AGXT2: variants seen among roughly 807,000 people sequenced by gnomAD.
AGXT2 encodes alanine--glyoxylate aminotransferase 2, mitochondrial.
AGXT2 carries 61 observed loss-of-function variants against 62.5 expected under a neutral mutation model. That is an observed-to-expected ratio of 0.98 (90% CI 0.79 to 1.21). The LOEUF (loss-of-function observed/expected upper bound fraction) is 1.21. AGXT2 is among the 50% of genes most tolerant of loss of function. The probability of loss-of-function intolerance (pLI) is 0.00; values close to 1 mark genes in which losing one functional copy is unlikely to be tolerated. For missense variants in AGXT2, 666 were observed against 641.5 expected (o/e 1.04, Z -0.41); for synonymous variants, 243 against 218.7 (o/e 1.11, Z -0.98).
rs1767379767 is a variant in AGXT2, at chr5:35,026,988, C to A, written c.770-478G>T. On this transcript the variant is annotated intron_variant, in intron 7 of 13. Coordinates refer to ENST00000231420, the MANE Select transcript of AGXT2 (RefSeq NM_031900.4). ...TTTGTCTTTAGAGTTAGTAAATATG[C>A]TTGTAGAACAATTAGAATTCAGTCT... 3.0e-6 allele frequency: 3 copies of A among 985,410 alleles called. No individual in the cohort carries two copies. The South Asian group carries it at 1.4e-4, about 46-fold the overall frequency. The allele number at this position is 985,410 out of a possible 1,614,324, so 61.0% of individuals were successfully genotyped here.
intron 7 of AGXT2, 42 bp from the exon 8 acceptor site, chr5:35,026,552 T>C (rs1378578909): frequency 2.0e-6 from 3 of 1,533,616 alleles, no homozygotes; most frequent in Non-Finnish European, 2.7e-6. Context: ...CCACAGCATT[T>C]GAAAATGTGA....
At chr5:35,017,582 T>C (rs1766892589) in intron 9 of AGXT2, among the ~76,000 whole-genome samples, 1 of 152,242 alleles carries the variant, frequency 6.6e-6, no homozygotes, top group African/African-American at 2.4e-5. Context: ...CATTCCGCCA[T>C]GATTGTTAGG....
chr5:35,038,379 T>C (rs1401875720), intron 3 of AGXT2, among the ~76,000 whole-genome samples: 1 of 152,256 alleles, frequency 6.6e-6, no homozygotes, highest in African/African-American at 2.4e-5. Context: ...ATGTTTGAAC[T>C]CATTTTCTAT....
chr5:35,005,324 G>T (rs968559440), intron 12 of AGXT2, among the ~76,000 whole-genome samples: 4 of 152,164 alleles, frequency 2.6e-5, no homozygotes, highest in Non-Finnish European at 5.9e-5. Context: ...TGCCTCCTGG[G>T]CTCAAGTGAT....
At chr5:35,019,642 C>A (rs1418190580) in intron 9 of AGXT2, among the ~76,000 whole-genome samples, 2 of 152,176 alleles carry the variant, frequency 1.3e-5, no homozygotes, top group Admixed American at 6.5e-5. Context: ...AAAATTGACA[C>A]CCTAACATCA....
At chr5:35,020,879 A>G (rs1220631194) in intron 9 of AGXT2, among the ~76,000 whole-genome samples, 1 of 152,132 alleles carries the variant, frequency 6.6e-6, no homozygotes, top group Admixed American at 6.5e-5. Flanking sequence ...GCAAAGTCTC[A>G]GGATACAAAA....
rs771306167 is a variant in AGXT2, at chr5:35,014,132, G to T, written c.964-13C>A. 3 of 1,613,958 alleles carry T rather than the reference G, an allele frequency of 1.9e-6. No homozygotes were observed. Among genetic ancestry groups the T allele is most frequent in the Middle Eastern group, 3.3e-4 (2 of 6,062 alleles). ...ATCCTGTCTGCACCTGGGAAAACAA[G>T]TTCAAAACCATTGGAAACCCTTCAA... is the stretch of plus-strand genomic sequence containing the variant. On this transcript the variant is annotated splice_polypyrimidine_tract_variant and intron_variant, in intron 9 of 13. Coordinates refer to ENST00000231420, the MANE Select transcript of AGXT2 (RefSeq NM_031900.4).
At position 35,032,758 on chromosome 5, in the gene AGXT2, G is replaced by T. The variant is rs757307899; in HGVS notation, c.743C>A (p.Thr248Lys). The change falls in exon 7 of 14, where the codon ACA (threonine) becomes AAA (lysine). Residue 248 changes from threonine (T) to lysine (K), a missense_variant. Thr to Lys is a moderately conservative substitution (Grantham distance 78). Transcript: ENST00000231420. ...TGGTGCACAGCTGCACTTCCTGATT[G>T]TTTGCACTGGAGAATCTCGACAGTG... is the stretch of plus-strand genomic sequence containing the variant. The part of the protein sequence containing the change: ...GSHCRDSPVQ[T>K]IRKCSCAPDC... The T allele has an allele frequency of 3.7e-6, 6 of 1,609,340 alleles. No homozygotes were observed. Among genetic ancestry groups the T allele is most frequent in the Non-Finnish European group, 2.5e-6 (3 of 1,177,864 alleles).
At chr5:35,037,892 C>A (rs998648362) in intron 3 of AGXT2, among the ~76,000 whole-genome samples, 8 of 152,172 alleles carry the variant, frequency 5.3e-5, no homozygotes, top group African/African-American at 1.7e-4. Flanking sequence ...ATTTGTGGAA[C>A]CTGACTTGGC....
intron 9 of AGXT2, among the ~76,000 whole-genome samples, chr5:35,021,962 C>A (rs1767113647): frequency 6.6e-6 from 1 of 152,098 alleles, no homozygotes. Flanking sequence ...AGCCAACAAA[C>A]ACATGAAAAA....
chr5:35,033,661 A>G, intron 5 of AGXT2, 108 bp from the exon 6 acceptor site: 2 of 814,098 alleles, frequency 2.5e-6, no homozygotes, highest in Non-Finnish European at 4.2e-6. Context: ...CATCATTCGC[A>G]TTCACCTCTG....
chr5:35,044,941 A>G (rs923399768), intron 1 of AGXT2, among the ~76,000 whole-genome samples: 2 of 152,146 alleles, frequency 1.3e-5, no homozygotes, highest in Non-Finnish European at 2.9e-5. Context: ...GCAGGAATGG[A>G]GAAACATCTC....
At position 35,019,680 on chromosome 5, in the gene AGXT2, A is replaced by C. The variant is rs538914253; in HGVS notation, c.964-5561T>G. ...ATTAAAAGAACTAGAAAAGCAAGAG[A>C]AAACACATTCAAAAGCTAGAAGAAG... On this transcript the variant is annotated intron_variant, in intron 9 of 13. Coordinates refer to ENST00000231420, the MANE Select transcript of AGXT2 (RefSeq NM_031900.4). Among the ~76,000 whole-genome samples, 34 of 152,278 alleles carry C rather than the reference A, an allele frequency of 2.2e-4. No individual in the cohort carries two copies. The East Asian group carries it at 5.0e-3, about 22-fold the overall frequency.
chr5:35,006,010 C>G (rs1339085566), intron 12 of AGXT2, among the ~76,000 whole-genome samples: 1 of 152,126 alleles, frequency 6.6e-6, no homozygotes, highest in Non-Finnish European at 1.5e-5. Flanking sequence ...GCAAATACAT[C>G]TATATGCATG....
intron 9 of AGXT2, among the ~76,000 whole-genome samples, chr5:35,025,186 G>T (rs1476231135): frequency 6.6e-6 from 1 of 152,110 alleles, no homozygotes; most frequent in African/African-American, 2.4e-5. Context: ...GATCAGCCTG[G>T]CCAACATGGT....
chr5:35,018,943 G>A (rs1488164489), intron 9 of AGXT2, among the ~76,000 whole-genome samples: 23 of 138,816 alleles, frequency 1.7e-4, no homozygotes, highest in African/African-American at 6.5e-4. Context: ...GATAAAACAG[G>A]CTTTAAACCA....
chr5:35,017,401 G>A (rs540465811), intron 9 of AGXT2, among the ~76,000 whole-genome samples: 154 of 152,278 alleles, frequency 1.0e-3, no homozygotes, highest in African/African-American at 3.4e-3. Context: ...TAATTCCCAC[G>A]TGTTGTGGGA....
chr5:35,044,074 TACTTGGG>T (rs1348259736), intron 1 of AGXT2, among the ~76,000 whole-genome samples: 1 of 152,238 alleles, frequency 6.6e-6, no homozygotes, highest in Non-Finnish European at 1.5e-5. Context: ...TCTCATTTGA[TACTTGGG>T]ATTGCCAACG....
chr5:35,026,439 T>A lies in AGXT2; in HGVS notation c.841A>T (p.Ile281Phe), dbSNP rs760225755. ...ATAGGTTCTGCGAAAAATCCAGCAA[T>A]TGACTTGGCCACAGATGTGCTCAGC... ...DTLSTSVAKS[I>F]AGFFAEPIQG... Residue 281 changes from isoleucine to phenylalanine, a missense_variant, in exon 8 of 14, where the codon ATT becomes TTT. Physicochemically the swap from Ile to Phe is conservative, Grantham distance 21. Coordinates refer to ENST00000231420, the MANE Select transcript of AGXT2 (RefSeq NM_031900.4). The A allele has an allele frequency of 6.2e-7, 1 of 1,614,150 alleles. No individual in the cohort carries two copies. The highest frequency in any genetic ancestry group is 2.2e-5 in the East Asian group (1 of 44,870).
Sources: allele counts gnomAD v4.1 joint callset (sites outside exome capture counted in the v4.1 genomes callset), GRCh38; gene constraint gnomAD v4.1.1; transcripts MANE v1.5; gene names NCBI Gene and HGNC (gene_info 2026-07-23, HGNC 2026-07-21).